CACNA2D3: variants seen among roughly 807,000 people sequenced by gnomAD.
CACNA2D3 encodes the protein calcium voltage-gated channel auxiliary subunit alpha2delta 3, also known as voltage-dependent calcium channel subunit alpha-2/delta-3.
A neutral mutation model predicts 160.6 loss-of-function variants in CACNA2D3; 60 were observed. The ratio of observed to expected loss-of-function variants is 0.37; its 90% CI spans 0.30 to 0.46. The LOEUF (loss-of-function observed/expected upper bound fraction) is 0.46, where lower values mean the gene tolerates loss of function less well. Among genes scored for constraint, CACNA2D3 ranks in the 20% least tolerant of loss-of-function variants. The probability of loss-of-function intolerance (pLI) is 1.00; values close to 1 mark genes in which losing one functional copy is unlikely to be tolerated. For synonymous variants in CACNA2D3, 558 were observed against 492.9 expected (o/e 1.13, Z -1.75); for missense variants, 1,205 against 1,365.0 (o/e 0.88, Z 1.85).
chr3:54,334,618 A>G (rs892814701), intron 3 of CACNA2D3, among the ~76,000 whole-genome samples: 2 of 152,202 alleles, frequency 1.3e-5, no homozygotes, highest in African/African-American at 4.8e-5. Context: ...GGATATGGCA[A>G]GAATGGATTT....
chr3:54,969,649 T>A, intron 28 of CACNA2D3, 151 bp from the exon 29 acceptor site: 1 of 620,248 alleles, frequency 1.6e-6, no homozygotes, highest in Non-Finnish European at 2.9e-6. Context: ...AGACACATCA[T>A]GGAGCATTCC....
chr3:54,762,149 A>G (rs921043644), intron 12 of CACNA2D3, among the ~76,000 whole-genome samples: 2 of 152,096 alleles, frequency 1.3e-5, no homozygotes, highest in Admixed American at 6.5e-5. Flanking sequence ...CGTATAGGAT[A>G]AAGTCTAAAC....
At chr3:54,874,293 A>G (rs1699610775) in intron 18 of CACNA2D3, among the ~76,000 whole-genome samples, 1 of 152,202 alleles carries the variant, frequency 6.6e-6, no homozygotes, top group African/African-American at 2.4e-5. Flanking sequence ...GCAGGAATAC[A>G]ATAAGTAGGG....
chr3:54,815,219 C>T (rs944815673), intron 13 of CACNA2D3, among the ~76,000 whole-genome samples: 2 of 152,112 alleles, frequency 1.3e-5, no homozygotes, highest in African/African-American at 4.8e-5. Context: ...GGAAAACATC[C>T]TCATATTTCC....
At chr3:54,410,992 C>G (rs192119432) in intron 4 of CACNA2D3, among the ~76,000 whole-genome samples, 14 of 152,230 alleles carry the variant, frequency 9.2e-5, no homozygotes, top group African/African-American at 3.4e-4. Context: ...TCATGGATGT[C>G]TTTGAGGGGT....
In CACNA2D3 at chr3:54,523,127, TAAAG is replaced by T. The variant is rs374939633; in HGVS notation, c.544+19478_544+19481del. 1.8e-4 allele frequency among the ~76,000 whole-genome samples: 28 copies of T among 152,268 alleles called. No homozygotes were observed. In the South Asian group the frequency reaches 5.4e-3, roughly 29 times the overall value. On this transcript the variant is annotated intron_variant, in intron 5 of 37. Transcript: ENST00000474759. Reference sequence around the variant, plus strand: ...GTAATTCTTTTCTTGTTCCTGATCTTAAAGAAAGCATTTAATATTTCACCATTAA... The same window carrying T: ...GTAATTCTTTTCTTGTTCCTGATCTTAAAGCATTTAATATTTCACCATTAA...
At chr3:54,479,373 C>G (rs1186143175) in intron 4 of CACNA2D3, among the ~76,000 whole-genome samples, 1 of 152,130 alleles carries the variant, frequency 6.6e-6, no homozygotes, top group Non-Finnish European at 1.5e-5. Flanking sequence ...CAGTACTGTT[C>G]ATGATTTCAG....
intron 29 of CACNA2D3, among the ~76,000 whole-genome samples, chr3:54,978,553 T>C (rs982471586): frequency 9.2e-5 from 14 of 152,212 alleles, no homozygotes; most frequent in African/African-American, 3.1e-4. Context: ...AGTAAGCTTG[T>C]CCAGCATTTC....
At chr3:54,892,504 T>C (rs1362015166) in intron 25 of CACNA2D3, among the ~76,000 whole-genome samples, 6 of 152,180 alleles carry the variant, frequency 3.9e-5, no homozygotes, top group Admixed American at 6.5e-5. Flanking sequence ...TTTTAAGAGA[T>C]TGGCTTTGAA....
At chr3:54,958,761 G>A (rs926536485) in intron 27 of CACNA2D3, among the ~76,000 whole-genome samples, 7 of 151,852 alleles carry the variant, frequency 4.6e-5, no homozygotes, top group African/African-American at 1.7e-4. Context: ...ATTGCCTGGG[G>A]ATGTTCTGTG....
rs779076595 is a variant in CACNA2D3, at chr3:54,214,103, C to T, written c.204+90509C>T. ...TTGGCATGGGGCCTTCAGAGCATCT[C>T]GTGGTGACTCATAAATACCAGAGAT... On this transcript the variant is annotated intron_variant, in intron 2 of 37. Transcript: ENST00000474759. Among the ~76,000 whole-genome samples, 6 of 152,124 alleles carry T rather than the reference C, an allele frequency of 3.9e-5. No homozygotes were observed. The South Asian group carries it at 6.2e-4, about 16-fold the overall frequency.
chr3:54,865,562 C>T (rs1699382386), intron 17 of CACNA2D3, among the ~76,000 whole-genome samples: 1 of 152,214 alleles, frequency 6.6e-6, no homozygotes, highest in Non-Finnish European at 1.5e-5. Context: ...GGGAGGAGGC[C>T]CTCACTCTGC....
At chr3:54,892,690 C>G (rs1700096548) in intron 25 of CACNA2D3, among the ~76,000 whole-genome samples, 1 of 152,152 alleles carries the variant, frequency 6.6e-6, no homozygotes. Flanking sequence ...ATTGCCTTCT[C>G]CTGTTAGGAT....
chr3:54,344,298 G>A (rs1698417187), intron 3 of CACNA2D3, among the ~76,000 whole-genome samples: 1 of 152,080 alleles, frequency 6.6e-6, no homozygotes, highest in African/African-American at 2.4e-5. Flanking sequence ...TTGATTATGA[G>A]TTCTTTGAAG....
intron 4 of CACNA2D3, among the ~76,000 whole-genome samples, chr3:54,470,071 A>T (rs1224792203): frequency 6.6e-6 from 1 of 152,218 alleles, no homozygotes; most frequent in African/African-American, 2.4e-5. Flanking sequence ...AATTTAGGAA[A>T]TACAGAGAAC....
chr3:54,563,313 T>C (rs1265774483), intron 6 of CACNA2D3, among the ~76,000 whole-genome samples: 1 of 152,220 alleles, frequency 6.6e-6, no homozygotes, highest in Non-Finnish European at 1.5e-5. Context: ...AGAGCATACT[T>C]GGGCAATTAA....
chr3:54,665,036 T>G (rs1575413166), intron 11 of CACNA2D3, among the ~76,000 whole-genome samples: 1 of 152,356 alleles, frequency 6.6e-6, no homozygotes, highest in South Asian at 2.1e-4. Flanking sequence ...TGCAGCTGTG[T>G]TTCTGTAGGA....
rs564731096 is a variant in CACNA2D3, at chr3:54,363,341, A to G, written c.322-23374A>G. 9.4e-4 allele frequency among the ~76,000 whole-genome samples: 143 copies of G among 152,310 alleles called. 1 individual carries two copies. Among genetic ancestry groups the G allele is most frequent in the African/African-American group, 3.3e-3 (136 of 41,566 alleles). On this transcript the variant is annotated intron_variant, in intron 3 of 37. Transcript: ENST00000474759. The stretch of plus-strand genomic sequence containing the variant: ...GCTGGCCCTTAACCAGTTATAGTGC[A>G]AGGTGTCCTGATGTCAAGCAGTTTT...
At chr3:54,762,865 G>A (rs1702104080) in intron 12 of CACNA2D3, among the ~76,000 whole-genome samples, 2 of 152,186 alleles carry the variant, frequency 1.3e-5, no homozygotes, top group African/African-American at 2.4e-5. Flanking sequence ...GCCGAGGCAG[G>A]CGGATCACGA....
Sources: gnomAD v4.1 joint callset for allele counts (sites outside exome capture counted in the v4.1 genomes callset) on GRCh38, gnomAD v4.1.1 for gene constraint, MANE v1.5 for transcripts, NCBI Gene and HGNC (gene_info 2026-07-23, HGNC 2026-07-21) for gene names.